Variants in APBA2 observed in about 807,000 individuals in gnomAD.
The protein encoded by APBA2 is amyloid beta precursor protein binding family A member 2.
A neutral mutation model predicts 75.0 loss-of-function variants in APBA2; 30 were observed. The ratio of observed to expected loss-of-function variants is 0.40; its 90% confidence interval spans 0.30 to 0.54. The LOEUF (loss-of-function observed/expected upper bound fraction) is 0.54, where lower values mean the gene tolerates loss of function less well. APBA2 is among the 20% of genes least tolerant of loss of function. The pLI is 0.49. For synonymous variants in APBA2, 444 were observed against 409.6 expected (o/e 1.08, Z -1.01); for missense variants, 801 against 1,016.1 (o/e 0.79, Z 2.88).
At chr15:28,933,782 C>G (rs2034693616) in intron 2 of APBA2, among the ~76,000 whole-genome samples, 1 of 152,166 alleles carries the variant, frequency 6.6e-6, no homozygotes, top group Non-Finnish European at 1.5e-5. Context: ...TGTGCCAGGC[C>G]CAGCAGGGAC....
At chr15:28,967,967 C>A (rs1016271667) in intron 2 of APBA2, among the ~76,000 whole-genome samples, 8 of 152,188 alleles carry the variant, frequency 5.3e-5, no homozygotes, top group African/African-American at 1.9e-4. Context: ...TCTTTTCACA[C>A]CCCCTGGCAA....
intron 2 of APBA2, among the ~76,000 whole-genome samples, chr15:28,973,483 T>C (rs2037176608): frequency 6.6e-6 from 1 of 152,210 alleles, no homozygotes; most frequent in Admixed American, 6.5e-5. Context: ...TGATAATTAC[T>C]GAAAACACTG....
At chr15:28,941,759 T>C (rs899133922) in intron 2 of APBA2, among the ~76,000 whole-genome samples, 5 of 152,184 alleles carry the variant, frequency 3.3e-5, no homozygotes, top group Non-Finnish European at 7.3e-5. Flanking sequence ...TGTTTATTTA[T>C]TTATTTATTT....
intron 1 of APBA2, among the ~76,000 whole-genome samples, chr15:28,906,250 A>C (rs1192561223): frequency 6.6e-6 from 1 of 152,248 alleles, no homozygotes; most frequent in Non-Finnish European, 1.5e-5. Flanking sequence ...GATAGACTAG[A>C]TAAAGAAAGT....
At position 29,020,989 on chromosome 15, in the gene APBA2, G is replaced by C. The variant is rs1310936743; in HGVS notation, c.-41+25183G>C. Among the ~76,000 whole-genome samples, 3 of 152,188 alleles carry C rather than the reference G, an allele frequency of 2.0e-5. No homozygotes were observed. The East Asian group carries it at 5.8e-4, about 29-fold the overall frequency. Reference sequence around the variant, plus strand: ...ATAAGCGTTCTGGGGGGTCGGGAGAGTCCCAAGTTTTAACTCTGTGGGGTC... The same window carrying C: ...ATAAGCGTTCTGGGGGGTCGGGAGACTCCCAAGTTTTAACTCTGTGGGGTC... On this transcript the variant is annotated intron_variant, in intron 3 of 14. Coordinates refer to ENST00000683413, the MANE Select transcript of APBA2 (RefSeq NM_001353788.2).
At chr15:29,099,250 G>C (rs1040279133) in intron 9 of APBA2, among the ~76,000 whole-genome samples, 1 of 152,188 alleles carries the variant, frequency 6.6e-6, no homozygotes, top group African/African-American at 2.4e-5. Context: ...CACCTGTGCT[G>C]GGTGTCCCCA....
At chr15:29,108,035 A>G (rs1228167513) in intron 12 of APBA2, among the ~76,000 whole-genome samples, 1 of 152,166 alleles carries the variant, frequency 6.6e-6, no homozygotes, top group South Asian at 2.1e-4. Flanking sequence ...CACCCTGCGC[A>G]TGGTGGGACA....
chr15:29,105,610 C>T (rs781425378), intron 11 of APBA2, 52 bp downstream of exon 11: 1 of 1,599,310 alleles, frequency 6.3e-7, no homozygotes, highest in East Asian at 2.2e-5. Context: ...GCTTCTGCTC[C>T]CTGAGCTCCT....
At chr15:29,010,363 C>A (rs537610437) in intron 3 of APBA2, among the ~76,000 whole-genome samples, 1 of 152,154 alleles carries the variant, frequency 6.6e-6, no homozygotes, top group Non-Finnish European at 1.5e-5. Flanking sequence ...GGTTCACGCC[C>A]TTCTCCTGCC....
At chr15:29,029,467 A>C (rs558939078) in intron 3 of APBA2, among the ~76,000 whole-genome samples, 1 of 152,304 alleles carries the variant, frequency 6.6e-6, no homozygotes, top group Non-Finnish European at 1.5e-5. Flanking sequence ...ATGCTTTCTA[A>C]GCCTCAGTTA....
intron 2 of APBA2, among the ~76,000 whole-genome samples, chr15:28,983,438 G>A (rs1460537245): frequency 2.0e-5 from 3 of 152,208 alleles, no homozygotes; most frequent in Non-Finnish European, 4.4e-5. Flanking sequence ...TTGGGCCCAT[G>A]CGTGACAATT....
chr15:28,931,734 T>C (rs1024328074), intron 2 of APBA2, among the ~76,000 whole-genome samples: 1 of 152,238 alleles, frequency 6.6e-6, no homozygotes, highest in Non-Finnish European at 1.5e-5. Context: ...GGGATGTTAT[T>C]GTCTGCATTT....
chr15:29,092,015 GAGGAC>G (rs2043597459), intron 6 of APBA2, among the ~76,000 whole-genome samples: 1 of 152,198 alleles, frequency 6.6e-6, no homozygotes, highest in African/African-American at 2.4e-5. Context: ...ATGGGTCTGA[GAGGAC>G]AGCCAAGCCA....
intron 3 of APBA2, among the ~76,000 whole-genome samples, chr15:29,014,710 T>TTG (rs1555392989): frequency 1.3e-5 from 2 of 151,548 alleles, no homozygotes; most frequent in South Asian, 2.1e-4. Context: ...GACTGTTTTT[T>TTG]TTTTTTTTTT....
intron 3 of APBA2, among the ~76,000 whole-genome samples, chr15:29,018,915 G>A (rs950227184): frequency 6.6e-6 from 1 of 152,134 alleles, no homozygotes; most frequent in Non-Finnish European, 1.5e-5. Context: ...CTTTAACTGG[G>A]ACATGAGGAT....
intron 3 of APBA2, among the ~76,000 whole-genome samples, chr15:29,007,009 T>A (rs2039152368): frequency 6.6e-6 from 1 of 152,178 alleles, no homozygotes; most frequent in South Asian, 2.1e-4. Context: ...ATTTCAAAAC[T>A]AGCTACAAAG....
intron 1 of APBA2, among the ~76,000 whole-genome samples, chr15:28,890,500 C>T (rs1346083487): frequency 6.6e-6 from 1 of 152,212 alleles, no homozygotes; most frequent in Non-Finnish European, 1.5e-5. Flanking sequence ...TCCCAGGGCT[C>T]CCAGCCACTC....
intron 1 of APBA2, among the ~76,000 whole-genome samples, chr15:28,915,648 C>T (rs1481061515): frequency 1.3e-5 from 2 of 151,206 alleles, no homozygotes; most frequent in Non-Finnish European, 3.0e-5. Flanking sequence ...ACATACCACA[C>T]AATAGCATAT....
chr15:28,959,416 A>T (rs2036347868), intron 2 of APBA2, among the ~76,000 whole-genome samples: 1 of 152,228 alleles, frequency 6.6e-6, no homozygotes, highest in Admixed American at 6.5e-5. Flanking sequence ...AAATGATATC[A>T]TCAAGGTAGC....
Sources: allele counts gnomAD v4.1 joint callset (sites outside exome capture counted in the v4.1 genomes callset), GRCh38; gene constraint gnomAD v4.1.1; transcripts MANE v1.5; gene names NCBI Gene and HGNC (gene_info 2026-07-23, HGNC 2026-07-21).